FCHSD2: variants seen among roughly 807,000 people sequenced by gnomAD.
The protein encoded by FCHSD2 is F-BAR and double SH3 domains protein 2.
A neutral mutation model predicts 108.1 loss-of-function variants in FCHSD2; 38 were observed. That is an observed-to-expected ratio of 0.35 (90% CI 0.27 to 0.46). FCHSD2 has a LOEUF of 0.46. Among genes scored for constraint, FCHSD2 ranks in the 20% least tolerant of loss-of-function variants. The pLI, the probability that FCHSD2 is intolerant of heterozygous loss-of-function variation, is 1.00. For synonymous variants in FCHSD2, 279 were observed against 314.7 expected, an observed-to-expected ratio of 0.89 and a Z score of 1.20; for missense variants, 751 against 897.8, an observed-to-expected ratio of 0.84 and a Z score of 2.09.
At chr11:72,911,983 T>C (rs1429626468) in intron 9 of FCHSD2, among the ~76,000 whole-genome samples, 1 of 152,256 alleles carries the variant, frequency 6.6e-6, no homozygotes, top group Non-Finnish European at 1.5e-5. Context: ...ATGCTACTTA[T>C]TTTTGTATGT....
chr11:73,029,008 G>A (rs761092850), intron 3 of FCHSD2, among the ~76,000 whole-genome samples: 7 of 151,888 alleles, frequency 4.6e-5, no homozygotes, highest in Admixed American at 2.6e-4. Context: ...GTGTGAAAAC[G>A]GACTAACACA....
At chr11:73,096,987 A>ATTTTGTTTTTTTTTTTTTTTTTTTT (rs1860096859) in intron 2 of FCHSD2, among the ~76,000 whole-genome samples, 1 of 27,020 alleles carries the variant, frequency 3.7e-5, no homozygotes, top group African/African-American at 2.0e-4. Flanking sequence ...TCATTGATGG[A>ATTTTGTTTTTTTTTTTTTTTTTTTT]TTTTTTTTTT....
chr11:73,072,969 G>C (rs1591531957), intron 3 of FCHSD2, among the ~76,000 whole-genome samples: 1 of 152,280 alleles, frequency 6.6e-6, no homozygotes, highest in East Asian at 1.9e-4. Flanking sequence ...TGTTTACTCT[G>C]TGTTTGTCTT....
chr11:72,933,833 G>A (rs1856242908), intron 8 of FCHSD2, among the ~76,000 whole-genome samples: 2 of 152,072 alleles, frequency 1.3e-5, no homozygotes, highest in African/African-American at 2.4e-5. Context: ...TTAGTGCTGG[G>A]TACAGTGGCT....
At chr11:72,861,916 A>G (rs2135192300) in intron 13 of FCHSD2, among the ~76,000 whole-genome samples, 1 of 138,350 alleles carries the variant, frequency 7.2e-6, no homozygotes, top group African/African-American at 2.7e-5. Context: ...GGGCAACAAA[A>G]GCGAAACGCC....
At chr11:73,012,067 C>T (rs1395347339) in intron 4 of FCHSD2, among the ~76,000 whole-genome samples, 8 of 152,144 alleles carry the variant, frequency 5.3e-5, no homozygotes, top group Non-Finnish European at 1.2e-4. Flanking sequence ...CAAAAATATA[C>T]TTATGTTCAT....
intron 8 of FCHSD2, among the ~76,000 whole-genome samples, chr11:72,932,560 A>C (rs1856215435): frequency 6.6e-6 from 1 of 152,120 alleles, no homozygotes; most frequent in Non-Finnish European, 1.5e-5. Context: ...CTGAGCTTTC[A>C]CACAGGCTTT....
At chr11:73,063,819 A>G (rs1009589947) in intron 3 of FCHSD2, among the ~76,000 whole-genome samples, 5 of 152,202 alleles carry the variant, frequency 3.3e-5, no homozygotes, top group Non-Finnish European at 7.3e-5. Context: ...AAAGAGACTT[A>G]GACTCCCACA....
At chr11:73,106,497 A>G (rs1860348415) in intron 2 of FCHSD2, among the ~76,000 whole-genome samples, 1 of 152,068 alleles carries the variant, frequency 6.6e-6, no homozygotes, top group South Asian at 2.1e-4. Flanking sequence ...AAGAACCCTG[A>G]AGTGCAAACT....
intron 2 of FCHSD2, among the ~76,000 whole-genome samples, chr11:73,104,124 T>C (rs906426359): frequency 6.6e-6 from 1 of 152,248 alleles, no homozygotes; most frequent in African/African-American, 2.4e-5. Context: ...TGCTGGCGGC[T>C]AACAGTGTAA....
intron 8 of FCHSD2, among the ~76,000 whole-genome samples, chr11:72,923,437 C>T (rs1856012434): frequency 2.0e-5 from 3 of 152,026 alleles, no homozygotes; most frequent in Non-Finnish European, 2.9e-5. Context: ...GGTTCAAATT[C>T]TCCACACCCT....
intron 11 of FCHSD2, among the ~76,000 whole-genome samples, chr11:72,888,695 T>G (rs1400615182): frequency 6.6e-6 from 1 of 151,786 alleles, no homozygotes; most frequent in Non-Finnish European, 1.5e-5. Context: ...CTTACCTCAA[T>G]GTAACCTCCA....
rs181515227 is a variant in FCHSD2 at position 72,882,030 on chromosome 11, G to A, written c.1146+5440C>T. 3.6e-3 allele frequency among the ~76,000 whole-genome samples: 542 copies of A among 152,108 alleles called. 4 individuals carry two copies. Among genetic ancestry groups the A allele is most frequent in the Admixed American group, 0.014 (207 of 15,272 alleles). On this transcript the variant is annotated intron_variant, in intron 12 of 19. Transcript: ENST00000409418. ...TGTGGTGGCGGGCGCCTGTAGTCCCGGCTAGTTGGGAGGCTGAGGCGGGAG... is the reference window on the plus strand; with the variant it reads ...TGTGGTGGCGGGCGCCTGTAGTCCCAGCTAGTTGGGAGGCTGAGGCGGGAG...
chr11:73,121,158 CTT>C lies in FCHSD2; in HGVS notation c.119+18871_119+18872del, dbSNP rs532189122. ...TACCCTTTGGGGTCTCACTCTCTCT[CTT>C]ATACACATACACATACACACACACA... On this transcript the variant is annotated intron_variant, in intron 2 of 19. Coordinates refer to ENST00000409418, the MANE Select transcript of FCHSD2 (RefSeq NM_014824.3). 2.4e-3 allele frequency among the ~76,000 whole-genome samples: 363 copies of C among 151,402 alleles called. 1 individual carries two copies. The highest frequency in any genetic ancestry group is 8.4e-3 in the African/African-American group (343 of 40,858).
At chr11:72,957,288 G>T (rs929602230) in intron 8 of FCHSD2, among the ~76,000 whole-genome samples, 16 of 147,266 alleles carry the variant, frequency 1.1e-4, no homozygotes, top group Non-Finnish European at 1.6e-4. Context: ...GCGGTGTTTG[G>T]TTTTTTGTTC....
At chr11:72,987,823 T>C (rs1007176508) in intron 6 of FCHSD2, among the ~76,000 whole-genome samples, 2 of 152,238 alleles carry the variant, frequency 1.3e-5, no homozygotes, top group African/African-American at 2.4e-5. Context: ...AAAACGACTA[T>C]GACAGTATAT....
Position 72,887,585 on chromosome 11 carries a change from A to T in FCHSD2, c.1042-11T>A. ...CAGATCATTTAGAACCTATTAAAGA[A>T]AATGGGACAATAATGATGACTGTTT... On this transcript the variant is annotated splice_polypyrimidine_tract_variant and intron_variant, in intron 11 of 19. Transcript: ENST00000409418. The T allele has an allele frequency of 1.3e-6, 2 of 1,484,354 alleles. No homozygotes were observed. Among genetic ancestry groups the T allele is most frequent in the Non-Finnish European group, 1.8e-6 (2 of 1,101,856 alleles). 91.9% of individuals were successfully genotyped at this position (1,484,354 alleles called of 1,614,324 possible).
At chr11:72,863,292 A>C (rs1854643381) in intron 13 of FCHSD2, among the ~76,000 whole-genome samples, 1 of 152,154 alleles carries the variant, frequency 6.6e-6, no homozygotes, top group Admixed American at 6.5e-5. Flanking sequence ...TAAAAAAAAA[A>C]GTTCAAAAAA....
intron 3 of FCHSD2, among the ~76,000 whole-genome samples, chr11:73,078,235 T>C (rs550394575): frequency 2.4e-4 from 37 of 152,330 alleles, no homozygotes; most frequent in Non-Finnish European, 5.1e-4. Flanking sequence ...CTCTCATACA[T>C]TGCTGGTGAG....
Sources: allele counts gnomAD v4.1 joint callset (sites outside exome capture counted in the v4.1 genomes callset), GRCh38; gene constraint gnomAD v4.1.1; transcripts MANE v1.5; gene names NCBI Gene and HGNC (gene_info 2026-07-23, HGNC 2026-07-21).